ZNF99: variants seen among roughly 807,000 people sequenced by gnomAD.
The protein encoded by ZNF99 is zinc finger protein 99, also known as zinc finger protein ENSP00000375192.
Under a neutral mutation model 12.8 loss-of-function variants are expected in ZNF99, and 8 were observed. The observed-to-expected ratio is 0.62, with a 90% confidence interval of 0.37 to 1.13. The LOEUF (loss-of-function observed/expected upper bound fraction) is 1.13. Among genes scored for constraint, ZNF99 ranks in the 50% most tolerant of loss-of-function variants. The pLI is 0.02. For missense variants in ZNF99, 1,007 were observed against 1,006.2 expected (o/e 1.00, Z -0.01); for synonymous variants, 318 against 319.0 (o/e 1.00, Z 0.03).
chr19:22,752,443 A>G lies in ZNF99; in HGVS notation c.*4871T>C, dbSNP rs1972981654. On this transcript the variant is annotated 3_prime_UTR_variant, in exon 4 of 4. Transcript: ENST00000596209. ...TATCTACACACTATGTACCCATAAA[A>G]GTTAAGAAAAATAAGTTTAAATTTG... 6.6e-6 allele frequency: 1 copy of G among 152,092 alleles called. No individual in the cohort carries two copies. Among genetic ancestry groups the G allele is most frequent in the Admixed American group, 6.5e-5 (1 of 15,278 alleles). The allele number at this position is 152,092 out of a possible 1,614,324, so 9.4% of individuals were successfully genotyped here.
rs1287968102 is a variant in ZNF99 at position 22,753,305 on chromosome 19, C to T, written c.*4009G>A. On this transcript the variant is annotated 3_prime_UTR_variant, in exon 4 of 4. Coordinates refer to ENST00000596209, the MANE Select transcript of ZNF99 (RefSeq NM_001080409.3). Reference sequence around the variant, plus strand: ...TTTTAGATTGAAATTATTTTTTTTACTCAACACTCTGATTTAGTGTAGTCT... The same window carrying T: ...TTTTAGATTGAAATTATTTTTTTTATTCAACACTCTGATTTAGTGTAGTCT... The T allele has an allele frequency of 2.0e-5, 3 of 151,774 alleles. No individual in the cohort carries two copies. The highest frequency in any genetic ancestry group is 7.3e-5 in the African/African-American group (3 of 41,342). The allele number at this position is 151,774 out of a possible 1,614,324, so 9.4% of individuals were successfully genotyped here.
At chr19:22,769,114 T>C (rs1413041713) in intron 2 of ZNF99, 84 bp downstream of exon 2, 1 of 1,440,614 alleles carries the variant, frequency 6.9e-7, no homozygotes, top group Middle Eastern at 1.9e-4. Context: ...ATGCTAAGCA[T>C]AAATCACCAA....
In ZNF99 at chr19:22,754,366, C is replaced by CAA. The variant is rs78560081; in HGVS notation, c.*2946_*2947dup. The CAA allele has an allele frequency of 9.8e-3, 3,072 of 312,922 alleles. No homozygotes were observed. Among genetic ancestry groups the CAA allele is most frequent in the East Asian group, 0.015 (163 of 11,154 alleles). The allele number at this position is 312,922 out of a possible 1,614,324, so 19.4% of individuals were successfully genotyped here. On this transcript the variant is annotated 3_prime_UTR_variant, in exon 4 of 4. Transcript: ENST00000596209. ...TGGGCGACAGAGTGAGACTCCATTT[C>CAA]AAAAAAAAAAAAAAAACTTTGCCAC... is the stretch of plus-strand genomic sequence containing the variant.
chr19:22,761,018 G>A (rs536323430), intron 3 of ZNF99, among the ~76,000 whole-genome samples: 1 of 151,884 alleles, frequency 6.6e-6, no homozygotes, highest in African/African-American at 2.4e-5. Context: ...ACTGTAACAG[G>A]TAGCTTTTTT....
rs372088947 is a variant in ZNF99 at position 22,756,186 on chromosome 19, T to C, written c.*1128A>G. On this transcript the variant is annotated 3_prime_UTR_variant, in exon 4 of 4. Coordinates refer to ENST00000596209, the MANE Select transcript of ZNF99 (RefSeq NM_001080409.3). ...AGGTTTGTAAAATGGTTGAAAGCTT[T>C]GACACATTCTTCACATTTTTAGGGC... 27 of 1,556,550 alleles carry C rather than the reference T, an allele frequency of 1.7e-5. No individual in the cohort carries two copies. The highest frequency in any genetic ancestry group is 2.3e-5 in the East Asian group (1 of 42,668).
intron 3 of ZNF99, among the ~76,000 whole-genome samples, chr19:22,762,223 A>C (rs1217925612): frequency 6.6e-6 from 1 of 152,136 alleles, no homozygotes; most frequent in South Asian, 2.1e-4. Context: ...AAAACGCATA[A>C]ATACAATTGA....
chr19:22,761,576 G>C (rs572800798), intron 3 of ZNF99, among the ~76,000 whole-genome samples: 3 of 152,194 alleles, frequency 2.0e-5, no homozygotes, highest in Admixed American at 6.5e-5. Flanking sequence ...GCACTAGACA[G>C]GTCATCAAGA....
chr19:22,780,932 G>C (rs1039912632), intron 1 of ZNF99, among the ~76,000 whole-genome samples: 2 of 152,114 alleles, frequency 1.3e-5, no homozygotes, highest in African/African-American at 4.8e-5. Context: ...ATGGAAGAGA[G>C]ATTTTCCCTA....
rs11667397 is a variant in ZNF99, at chr19:22,758,389, T to A, written c.1520A>T (p.Lys507Ile). Residue 507 changes from lysine to isoleucine, a missense_variant, in exon 4 of 4, where the codon AAA becomes ATA. Transcript: ENST00000596209. The part of the protein sequence containing the change: ...TVHKVIHMEE[K>I]PCKCEECGKA... ...GCCACATTCTTCACATTTGCAAGGTTTCTCTTCCATATGAATTACCTTATG... is the reference window on the plus strand; with the variant it reads ...GCCACATTCTTCACATTTGCAAGGTATCTCTTCCATATGAATTACCTTATG... 267,608 of 1,612,658 alleles carry A rather than the reference T, an allele frequency of 0.17. 22,727 individuals are homozygous for A. The highest frequency in any genetic ancestry group is 0.19 in the Admixed American group (11,136 of 59,954).
rs1182245388 is a variant in ZNF99, at chr19:22,755,907, A to C, written c.*1407T>G. On this transcript the variant is annotated 3_prime_UTR_variant, in exon 4 of 4. Coordinates refer to ENST00000596209, the MANE Select transcript of ZNF99 (RefSeq NM_001080409.3). ...CTTTAGGAATTCTCTCATTTTGAGTAACAGCTGAGCAATGGTTAAAAGCTT... is the reference window on the plus strand; with the variant it reads ...CTTTAGGAATTCTCTCATTTTGAGTCACAGCTGAGCAATGGTTAAAAGCTT... 2 of 346,678 alleles carry C rather than the reference A, an allele frequency of 5.8e-6. No individual in the cohort carries two copies. Among genetic ancestry groups the C allele is most frequent in the Admixed American group, 8.1e-5 (2 of 24,710 alleles). 21.5% of individuals were successfully genotyped at this position (346,678 alleles called of 1,614,324 possible).
In ZNF99 at chr19:22,756,743, T is replaced by C; in HGVS notation, c.*571A>G. 1 of 1,589,386 alleles carries C rather than the reference T, an allele frequency of 6.3e-7. No individual in the cohort carries two copies. The highest frequency in any genetic ancestry group is 1.7e-5 in the Admixed American group (1 of 59,350). ...CCAGTATGAATTATCTTATGTTTCATAAGGGTTGAGGAATTGTTAAAAGCT... is the reference window on the plus strand; with the variant it reads ...CCAGTATGAATTATCTTATGTTTCACAAGGGTTGAGGAATTGTTAAAAGCT... On this transcript the variant is annotated 3_prime_UTR_variant, in exon 4 of 4. Transcript: ENST00000596209.
At chr19:22,780,267 C>CGAAA (rs1457647943) in intron 1 of ZNF99, among the ~76,000 whole-genome samples, 1 of 152,068 alleles carries the variant, frequency 6.6e-6, no homozygotes, top group East Asian at 1.9e-4. Context: ...AAATTCAGTG[C>CGAAA]AATTACTCTA....
rs771856351 is a variant in ZNF99, at chr19:22,757,278, A to G, written c.*36T>C. On this transcript the variant is annotated 3_prime_UTR_variant, in exon 4 of 4. Coordinates refer to ENST00000596209, the MANE Select transcript of ZNF99 (RefSeq NM_001080409.3). ...GAGGAATTGTTAAAAGCTTTGCCACATTCTTCACATTTGTAGGGTTTCTTT... is the reference window on the plus strand; with the variant it reads ...GAGGAATTGTTAAAAGCTTTGCCACGTTCTTCACATTTGTAGGGTTTCTTT... 2.5e-6 allele frequency: 4 copies of G among 1,611,144 alleles called. No homozygotes were observed. Among genetic ancestry groups the G allele is most frequent in the Non-Finnish European group, 3.4e-6 (4 of 1,178,346 alleles).
chr19:22,761,129 C>A (rs2145145563), intron 3 of ZNF99, among the ~76,000 whole-genome samples: 1 of 151,760 alleles, frequency 6.6e-6, no homozygotes, highest in Non-Finnish European at 1.5e-5. Flanking sequence ...AACCATAAAA[C>A]AATGAAGATT....
intron 3 of ZNF99, among the ~76,000 whole-genome samples, chr19:22,766,644 A>G (rs1388179737): frequency 7.9e-6 from 1 of 126,152 alleles, no homozygotes; most frequent in African/African-American, 3.1e-5. Context: ...GCATAACTTT[A>G]TTTCTTATTT....
intron 1 of ZNF99, among the ~76,000 whole-genome samples, chr19:22,779,250 G>A (rs532880704): frequency 6.6e-6 from 1 of 151,736 alleles, no homozygotes; most frequent in African/African-American, 2.4e-5. Flanking sequence ...ATCGGGCCGG[G>A]CGCGGTAGCT....
chr19:22,755,968 G>T lies in ZNF99; in HGVS notation c.*1346C>A. 1 of 526,042 alleles carries T rather than the reference G, an allele frequency of 1.9e-6. No individual in the cohort carries two copies. The highest frequency in any genetic ancestry group is 3.4e-6 in the Non-Finnish European group (1 of 297,998). The allele number at this position is 526,042 out of a possible 1,614,324, so 32.6% of individuals were successfully genotyped here. A position where few individuals can be genotyped will look rare whatever the true frequency, so the allele number is the denominator to read the frequency against. ...ATTATATTTGTAGGGTTTTCCTCCA[G>T]TATCAATTATTTTATGTGTATTTAA... On this transcript the variant is annotated 3_prime_UTR_variant, in exon 4 of 4. Coordinates refer to ENST00000596209, the MANE Select transcript of ZNF99 (RefSeq NM_001080409.3).
intron 1 of ZNF99, chr19:22,774,072 T>C (rs2145155825): frequency 6.5e-6 from 1 of 153,990 alleles, no homozygotes; most frequent in African/African-American, 2.4e-5. Context: ...CACCAGGGAA[T>C]ACTTACAATG....
Position 22,753,980 on chromosome 19 carries a change from T to G in ZNF99, c.*3334A>C, listed in dbSNP as rs1414935201. The G allele has an allele frequency of 2.2e-6, 1 of 455,074 alleles. No individual in the cohort carries two copies. The highest frequency in any genetic ancestry group is 4.4e-6 in the Non-Finnish European group (1 of 226,256). 28.2% of individuals were successfully genotyped at this position (455,074 alleles called of 1,614,324 possible). Reference sequence around the variant, plus strand: ...ATGATTTCTTTTATGTTTAGAAAAGTTTAAGGTGTTCTCAAGAGCACTGTC... The same window carrying G: ...ATGATTTCTTTTATGTTTAGAAAAGGTTAAGGTGTTCTCAAGAGCACTGTC... On this transcript the variant is annotated 3_prime_UTR_variant, in exon 4 of 4. Transcript: ENST00000596209.
Sources: gnomAD v4.1 joint callset for allele counts (sites outside exome capture counted in the v4.1 genomes callset) on GRCh38, gnomAD v4.1.1 for gene constraint, MANE v1.5 for transcripts, NCBI Gene and HGNC (gene_info 2026-07-23, HGNC 2026-07-21) for gene names.